The following ZNF469 variants were observed in gnomAD, a reference collection of about 807,000 sequenced individuals.
ZNF469 encodes zinc finger protein 469.
In ZNF469, 1 loss-of-function variant was observed where a neutral mutation model predicts 1.0. The ratio of observed to expected loss-of-function variants is 1.00; its 90% CI spans 0.35 to 4.73. ZNF469 has a LOEUF of 4.73. ZNF469 is among the 30% of genes most tolerant of loss of function. The pLI, the probability that ZNF469 is intolerant of heterozygous loss-of-function variation, is 0.16. For synonymous variants in ZNF469, 2,703 were observed against 2,363.4 expected, an observed-to-expected ratio of 1.14 and a Z score of -4.17; for missense variants, 6,100 against 5,356.3, an observed-to-expected ratio of 1.14 and a Z score of -4.33.
At chr16:88,125,275 G>C in the ZNF469 span, among the ~76,000 whole-genome samples, 1 of 152,154 alleles carries the variant, frequency 6.6e-6, no homozygotes, top group East Asian at 1.9e-4. Flanking sequence ...TATATCTTAA[G>C]ATAGTATGTC....
chr16:88,186,568 G>A, the ZNF469 span, among the ~76,000 whole-genome samples: 1,012 of 152,316 alleles, frequency 6.6e-3, 6 homozygotes, highest in Middle Eastern at 0.017. Context: ...GAGGGGACCC[G>A]CAGGGACGAA....
the ZNF469 span, among the ~76,000 whole-genome samples, chr16:88,114,158 C>T: frequency 6.8e-6 from 1 of 146,784 alleles, no homozygotes; most frequent in Non-Finnish European, 1.5e-5. Context: ...GGCCACACTC[C>T]CTGACTGCGG....
the ZNF469 span, among the ~76,000 whole-genome samples, chr16:88,154,890 C>G: frequency 2.6e-5 from 4 of 152,354 alleles, no homozygotes; most frequent in African/African-American, 7.2e-5. Flanking sequence ...AACCTGGCTT[C>G]TGATGTGACT....
At chr16:88,349,918 C>T in the ZNF469 span, among the ~76,000 whole-genome samples, 1 of 7,138 alleles carries the variant, frequency 1.4e-4, no homozygotes, top group African/African-American at 5.0e-4. Flanking sequence ...ATACACACTA[C>T]ACACCACATA....
the ZNF469 span, among the ~76,000 whole-genome samples, chr16:88,343,090 A>G: frequency 6.6e-6 from 1 of 152,256 alleles, no homozygotes; most frequent in Non-Finnish European, 1.5e-5. Flanking sequence ...CTTGTGGTCC[A>G]TAGGCAAAGC....
chr16:88,137,399 A>G, the ZNF469 span, among the ~76,000 whole-genome samples: 30 of 152,242 alleles, frequency 2.0e-4, no homozygotes, highest in Non-Finnish European at 3.2e-4. Context: ...GGTTGTGTAC[A>G]TACAACCAAG....
At chr16:88,247,615 T>C in the ZNF469 span, among the ~76,000 whole-genome samples, 6 of 148,404 alleles carry the variant, frequency 4.0e-5, no homozygotes, top group Admixed American at 4.0e-4. Context: ...TGAGTGAATG[T>C]TTGATTGAAT....
At chr16:88,343,084 T>A in the ZNF469 span, among the ~76,000 whole-genome samples, 1 of 151,890 alleles carries the variant, frequency 6.6e-6, no homozygotes, top group Non-Finnish European at 1.5e-5. Context: ...ACACCCCTTG[T>A]GGTCCATAGG....
At position 88,432,172 on chromosome 16, in the gene ZNF469, G is replaced by C; in HGVS notation, c.4702G>C (p.Val1568Leu). Residue 1568 changes from valine (V) to leucine (L), a missense_variant, in exon 3 of 3, where the codon GTC becomes CTC. By Grantham distance (32) the Val-to-Leu change is conservative. Coordinates refer to ENST00000565624, the MANE Select transcript of ZNF469 (RefSeq NM_001367624.2). ...SEDELEIQKL[V>L]TELESQLQRS... ...GGATGAACTGGAGATCCAGAAATTG[G>C]TCACCGAATTAGAAAGTCAGCTGCA... 1 of 1,550,360 alleles carries C rather than the reference G, an allele frequency of 6.5e-7. No individual in the cohort carries two copies.
At chr16:88,298,737 T>C in the ZNF469 span, among the ~76,000 whole-genome samples, 1 of 152,092 alleles carries the variant, frequency 6.6e-6, no homozygotes, top group African/African-American at 2.4e-5. Flanking sequence ...GCTCTCCAGA[T>C]CCCACGGGCA....
rs1180968437 is a variant in ZNF469 at position 88,430,645 on chromosome 16, A to G, written c.3175A>G (p.Asn1059Asp). ...CATTCTGAAGATCGTGCAGCAGAAG[A>G]ACAGGCGCCACCGGCGGCTGGGGCG... is the stretch of plus-strand genomic sequence containing the variant. ...ELILKIVQQKNRRHRRLGRRA... is the reference protein window; with the variant it reads ...ELILKIVQQKDRRHRRLGRRA... The change falls in exon 3 of 3, where the codon AAC becomes GAC. Residue 1059 changes from asparagine to aspartate, a missense_variant. Transcript: ENST00000565624. The G allele has an allele frequency of 1.3e-6, 2 of 1,496,002 alleles. No individual in the cohort carries two copies. 92.7% of individuals were successfully genotyped at this position (1,496,002 alleles called of 1,614,324 possible). A position where few individuals can be genotyped will look rare whatever the true frequency, so the allele number is the denominator to read the frequency against.
chr16:88,341,669 C>T, the ZNF469 span, among the ~76,000 whole-genome samples: 1 of 152,180 alleles, frequency 6.6e-6, no homozygotes, highest in Non-Finnish European at 1.5e-5. Flanking sequence ...CTGGGTATCT[C>T]GGTTTTGCCA....
At chr16:88,379,053 C>G (rs755819127), upstream of ZNF469, among the ~76,000 whole-genome samples, 8 of 152,222 alleles carry the variant, frequency 5.3e-5, no homozygotes, top group Non-Finnish European at 1.0e-4. Flanking sequence ...CCCTTGGAAT[C>G]TGTCGGAGGC....
chr16:88,425,025 G>A (rs947984565), intron 2 of ZNF469, among the ~76,000 whole-genome samples, 154 bp downstream of exon 2: 7 of 152,154 alleles, frequency 4.6e-5, no homozygotes, highest in African/African-American at 1.7e-4. Flanking sequence ...CGACTCCTGG[G>A]GCCCGCCGGG....
At chr16:88,168,927 C>T in the ZNF469 span, among the ~76,000 whole-genome samples, 1 of 152,142 alleles carries the variant, frequency 6.6e-6, no homozygotes, top group African/African-American at 2.4e-5. The surrounding 1 kb of genome is among the most constrained non-coding windows in gnomAD (Gnocchi z 4.3). Context: ...GAGACCCCCC[C>T]CTCTACAAAA....
rs2142309582 is a variant in ZNF469 at position 88,434,026 on chromosome 16, G to C, written c.6556G>C (p.Asp2186His). 6.5e-7 allele frequency: 1 copy of C among 1,550,296 alleles called. No homozygotes were observed. Among genetic ancestry groups the C allele is most frequent in the East Asian group, 2.4e-5 (1 of 40,916 alleles). The change falls in exon 3 of 3, where the codon GAT becomes CAT. Residue 2186 changes from aspartate (D) to histidine (H), a missense_variant. Coordinates refer to ENST00000565624, the MANE Select transcript of ZNF469 (RefSeq NM_001367624.2). ...GGCAGATGGCGTCCAAGCCACGACA[G>C]ATACTGGGGCTGAGGATTCCCCGGT... ...EEADGVQATT[D>H]TGAEDSPVAP...
chr16:88,113,625 T>C, the ZNF469 span, among the ~76,000 whole-genome samples: 2 of 152,174 alleles, frequency 1.3e-5, no homozygotes, highest in Admixed American at 1.3e-4. Flanking sequence ...CCGCAGACTG[T>C]GGTGAAGGCA....
the ZNF469 span, among the ~76,000 whole-genome samples, chr16:88,254,851 T>A: frequency 6.6e-6 from 1 of 151,952 alleles, no homozygotes; most frequent in African/African-American, 2.4e-5. Context: ...AAAAAAAAAA[T>A]CAGCTAGAGT....
At chr16:88,172,004 T>C in the ZNF469 span, among the ~76,000 whole-genome samples, 1 of 152,184 alleles carries the variant, frequency 6.6e-6, no homozygotes, top group Non-Finnish European at 1.5e-5. Context: ...AGCTCAAGAC[T>C]GTGATCCCTG....
Sources: allele counts gnomAD v4.1 joint callset (sites outside exome capture counted in the v4.1 genomes callset), GRCh38; gene constraint gnomAD v4.1.1; non-coding constraint Gnocchi (gnomAD v3.1); transcripts MANE v1.5; gene names NCBI Gene and HGNC (gene_info 2026-07-23, HGNC 2026-07-21).